Variants in MAP4K5 observed in about 807,000 individuals in gnomAD.
MAP4K5 encodes MAPK/ERK kinase kinase kinase 5.
Under a neutral mutation model 135.6 loss-of-function variants are expected in MAP4K5, and 82 were observed. The ratio of observed to expected loss-of-function variants is 0.60; its 90% CI spans 0.51 to 0.73. The LOEUF is 0.73. MAP4K5 is among the 30% of genes least tolerant of loss of function. MAP4K5 has a pLI of 0.00. For missense variants in MAP4K5, 907 were observed against 1,010.9 expected, an observed-to-expected ratio of 0.90 and a Z score of 1.39; for synonymous variants, 347 against 335.0, an observed-to-expected ratio of 1.04 and a Z score of -0.39.
chr14:50,505,348 G>C (rs2037788669), intron 2 of MAP4K5, among the ~76,000 whole-genome samples: 1 of 152,058 alleles, frequency 6.6e-6, no homozygotes, highest in Admixed American at 6.6e-5. Flanking sequence ...TCTAAGACAT[G>C]ATTACAAATG....
At chr14:50,486,399 A>AT (rs969694151) in intron 3 of MAP4K5, among the ~76,000 whole-genome samples, 8 of 150,730 alleles carry the variant, frequency 5.3e-5, no homozygotes, top group Admixed American at 6.6e-5. Flanking sequence ...TTACTTACAA[A>AT]TTTTTTTTTT....
chr14:50,468,618 C>G (rs751648742), intron 10 of MAP4K5, 33 bp downstream of exon 10: 14 of 1,606,104 alleles, frequency 8.7e-6, no homozygotes, highest in Non-Finnish European at 1.0e-5. Flanking sequence ...TAGACTTGAT[C>G]AATAACTGGA....
chr14:50,540,683 A>G (rs2038549871), intron 2 of MAP4K5, among the ~76,000 whole-genome samples: 1 of 152,228 alleles, frequency 6.6e-6, no homozygotes, highest in Non-Finnish European at 1.5e-5. Context: ...GTGGGACTAA[A>G]GATCCACTCT....
intron 2 of MAP4K5, among the ~76,000 whole-genome samples, chr14:50,511,975 T>A (rs1007736036): frequency 6.6e-6 from 1 of 152,076 alleles, no homozygotes; most frequent in Non-Finnish European, 1.5e-5. Context: ...GATAGACACA[T>A]CTCATTACAT....
intron 5 of MAP4K5, chr14:50,483,217 G>C (rs770953490): frequency 6.6e-6 from 1 of 152,088 alleles, no homozygotes; most frequent in Admixed American, 6.6e-5. Context: ...AGAGAGGCTT[G>C]ATCCAGTACC....
chr14:50,522,295 G>T (rs1197437750), intron 2 of MAP4K5, among the ~76,000 whole-genome samples: 1 of 151,550 alleles, frequency 6.6e-6, no homozygotes, highest in Admixed American at 6.6e-5. Context: ...CACTAGTGAC[G>T]GCACTGTTTT....
At chr14:50,530,423 G>A (rs1244094515) in intron 2 of MAP4K5, among the ~76,000 whole-genome samples, 1 of 152,172 alleles carries the variant, frequency 6.6e-6, no homozygotes, top group Admixed American at 6.5e-5. Context: ...TTGTAGTAGG[G>A]AGAAGAGAAT....
chr14:50,426,858 G>C (rs1237404231), intron 30 of MAP4K5, among the ~76,000 whole-genome samples: 1 of 152,218 alleles, frequency 6.6e-6, no homozygotes, highest in Non-Finnish European at 1.5e-5. Flanking sequence ...TTACAAGTAA[G>C]TATTAGAGTT....
chr14:50,522,027 G>A (rs1158922053), intron 2 of MAP4K5, among the ~76,000 whole-genome samples: 9 of 151,988 alleles, frequency 5.9e-5, no homozygotes, highest in Non-Finnish European at 1.2e-4. Context: ...TTCTTTCTGT[G>A]TTCTTGGTCT....
chr14:50,525,408 T>C lies in MAP4K5; in HGVS notation c.108+6534A>G, dbSNP rs140844242. Among the ~76,000 whole-genome samples the C allele has an allele frequency of 4.6e-3, 700 of 152,280 alleles. 8 individuals carry two copies. Among genetic ancestry groups the C allele is most frequent in the African/African-American group, 0.016 (669 of 41,548 alleles). On this transcript the variant is annotated intron_variant, in intron 2 of 32. Coordinates refer to ENST00000682126, the MANE Select transcript of MAP4K5 (RefSeq NM_006575.6). ...ATATGACTCAAATCCATCCCTTCCT[T>C]TCATCTTCTATACCAGGGCCTAAAT...
intron 5 of MAP4K5, among the ~76,000 whole-genome samples, chr14:50,484,053 G>T (rs907404792): frequency 1.3e-5 from 2 of 151,942 alleles, no homozygotes; most frequent in Non-Finnish European, 2.9e-5. Flanking sequence ...TAGAGATGGG[G>T]TTTTACCATG....
At chr14:50,437,437 A>G (rs1293344600) in intron 26 of MAP4K5, 39 bp downstream of exon 26, 2 of 1,450,700 alleles carry the variant, frequency 1.4e-6, no homozygotes, top group Non-Finnish European at 1.9e-6. Context: ...AGATGTTAAA[A>G]GTTCTAACCA....
At chr14:50,546,744 G>GT (rs536539163) in intron 1 of MAP4K5, among the ~76,000 whole-genome samples, 65 of 152,158 alleles carry the variant, frequency 4.3e-4, no homozygotes, top group African/African-American at 1.5e-3. Context: ...TGTTTGTGTG[G>GT]TTTTTTTGAC....
chr14:50,536,997 G>A (rs1021121217), upstream of MAP4K5, among the ~76,000 whole-genome samples: 18 of 152,366 alleles, frequency 1.2e-4, no homozygotes, highest in Middle Eastern at 3.4e-3. Context: ...CATAAGTAAC[G>A]AAAAGCTGAA....
In MAP4K5 at chr14:50,484,033, G is replaced by T. The variant is rs1045809025; in HGVS notation, c.322+1545C>A. Among the ~76,000 whole-genome samples the T allele has an allele frequency of 9.2e-5, 14 of 152,072 alleles. No individual in the cohort carries two copies. In the East Asian group the frequency reaches 2.7e-3, roughly 29 times the overall value. Reference sequence around the variant, plus strand: ...CTGCCACCACACTTGGCTAATTTTTGTATTTTTAGTAGAGATGGGGTTTTA... The same window carrying T: ...CTGCCACCACACTTGGCTAATTTTTTTATTTTTAGTAGAGATGGGGTTTTA... On this transcript the variant is annotated intron_variant, in intron 5 of 32. Coordinates refer to ENST00000682126, the MANE Select transcript of MAP4K5 (RefSeq NM_006575.6).
intron 1 of MAP4K5, among the ~76,000 whole-genome samples, chr14:50,553,528 C>T (rs1198197130): frequency 1.3e-5 from 2 of 152,026 alleles, no homozygotes; most frequent in Admixed American, 6.5e-5. Context: ...ACAACCACTA[C>T]GGAAAACAGT....
At chr14:50,454,228 C>T (rs1227970347) in intron 14 of MAP4K5, among the ~76,000 whole-genome samples, 2 of 152,134 alleles carry the variant, frequency 1.3e-5, no homozygotes, top group Non-Finnish European at 2.9e-5. Flanking sequence ...GTTTATGTGA[C>T]AGAGATCAGA....
chr14:50,421,084 AT>A (rs1377805722), intron 32 of MAP4K5, among the ~76,000 whole-genome samples: 1 of 152,140 alleles, frequency 6.6e-6, no homozygotes, highest in Non-Finnish European at 1.5e-5. Context: ...TAATGAAAAC[AT>A]TTTTTAAAAA....
intron 10 of MAP4K5, among the ~76,000 whole-genome samples, 197 bp from the exon 11 acceptor site, chr14:50,466,842 T>G (rs1229498574): frequency 6.6e-6 from 1 of 152,174 alleles, no homozygotes; most frequent in Admixed American, 6.5e-5. Flanking sequence ...AGAAGATTTT[T>G]AAATTTCCAA....
Sources: gnomAD v4.1 joint callset for allele counts (sites outside exome capture counted in the v4.1 genomes callset) on GRCh38, gnomAD v4.1.1 for gene constraint, MANE v1.5 for transcripts, NCBI Gene and HGNC (gene_info 2026-07-23, HGNC 2026-07-21) for gene names.